Variants in KLHL4 observed in about 807,000 individuals in gnomAD.
The protein encoded by KLHL4 is kelch-like protein 4.
In KLHL4, 17 loss-of-function variants were observed where a neutral mutation model predicts 45.8. The observed-to-expected ratio is 0.37, with a 90% confidence interval of 0.25 to 0.56. The LOEUF (loss-of-function observed/expected upper bound fraction) is 0.56. KLHL4 is among the 20% of genes least tolerant of loss of function. KLHL4 has a pLI of 0.79. For missense variants in KLHL4, 544 were observed against 544.9 expected (o/e 1.00, Z 0.02); for synonymous variants, 224 against 189.9 (o/e 1.18, Z -1.47).
At chrX:87,549,244 A>G (rs1435996598) in intron 1 of KLHL4, among the ~76,000 whole-genome samples, 1 of 111,260 alleles carries the variant, frequency 9.0e-6, no homozygotes, top group Non-Finnish European at 1.9e-5. Flanking sequence ...ATATATATGC[A>G]TCCAAGATGG....
At chrX:87,650,298 A>G (rs777137368) in intron 9 of KLHL4, among the ~76,000 whole-genome samples, 2 of 111,030 alleles carry the variant, frequency 1.8e-5, no homozygotes, top group South Asian at 3.8e-4. Context: ...AGGTTTTGCC[A>G]TGTTGCCCTG....
intron 1 of KLHL4, among the ~76,000 whole-genome samples, chrX:87,610,298 T>A (rs1360688544): frequency 1.8e-5 from 2 of 112,279 alleles, no homozygotes; most frequent in East Asian, 5.6e-4. Flanking sequence ...CCTAAAATAG[T>A]TCTGTTCAGG....
chrX:87,557,220 A>G (rs1042191712), intron 1 of KLHL4, among the ~76,000 whole-genome samples: 1 of 112,097 alleles, frequency 8.9e-6, no homozygotes, highest in African/African-American at 3.2e-5. Flanking sequence ...CTGAAAAGTC[A>G]GGCCTGAGCT....
At chrX:87,540,972 C>T (rs1029876905) in intron 1 of KLHL4, among the ~76,000 whole-genome samples, 2 of 110,967 alleles carry the variant, frequency 1.8e-5, no homozygotes, top group African/African-American at 6.6e-5. Flanking sequence ...TCATTATAAT[C>T]TTAGGGAACC....
At chrX:87,638,890 G>A (rs1923355434) in intron 9 of KLHL4, among the ~76,000 whole-genome samples, 4 of 111,457 alleles carry the variant, frequency 3.6e-5, no homozygotes, top group Admixed American at 1.9e-4. Context: ...CCACTTAAAA[G>A]ATGTAGAATG....
At chrX:87,551,438 A>G (rs1262560219) in intron 1 of KLHL4, among the ~76,000 whole-genome samples, 1 of 111,604 alleles carries the variant, frequency 9.0e-6, no homozygotes, top group Non-Finnish European at 1.9e-5. Flanking sequence ...AGCAATCTAC[A>G]AATTCAACAC....
chrX:87,523,662 AT>A (rs1180970815), intron 1 of KLHL4, among the ~76,000 whole-genome samples: 1 of 111,806 alleles, frequency 8.9e-6, no homozygotes, highest in Non-Finnish European at 1.9e-5. Flanking sequence ...ATATAAATAG[AT>A]GACTGAGTAA....
At chrX:87,581,014 T>C (rs1487450378) in intron 1 of KLHL4, among the ~76,000 whole-genome samples, 1 of 112,024 alleles carries the variant, frequency 8.9e-6, no homozygotes, top group Admixed American at 9.4e-5. Flanking sequence ...GGACAACTCA[T>C]CCATTCCAGC....
chrX:87,668,298 C>T lies in KLHL4; in HGVS notation c.*1764C>T, dbSNP rs1329272295. 3 of 751,843 alleles carry T rather than the reference C, an allele frequency of 4.0e-6. No homozygotes were observed. The highest frequency in any genetic ancestry group is 4.7e-6 in the Non-Finnish European group (3 of 638,193). The allele number at this position is 751,843 out of a possible 1,213,427, so 62.0% of individuals were successfully genotyped here. A position where few individuals can be genotyped will look rare whatever the true frequency, so the allele number is the denominator to read the frequency against. On this transcript the variant is annotated 3_prime_UTR_variant, in exon 11 of 11. Coordinates refer to ENST00000373119, the MANE Select transcript of KLHL4 (RefSeq NM_019117.5). Reference sequence around the variant, plus strand: ...AAAAGATCAAAGGACCTTTTGCAGCCTAGCTTGCCAATCTTCCAGTAACAA... The same window carrying T: ...AAAAGATCAAAGGACCTTTTGCAGCTTAGCTTGCCAATCTTCCAGTAACAA...
rs1371677607 is a variant in KLHL4 at position 87,518,074 on chromosome X, G to A, written c.181G>A (p.Gly61Arg). The change falls in exon 1 of 11, where the codon GGA (glycine) becomes AGA (arginine). Residue 61 changes from glycine to arginine, a missense_variant. Transcript: ENST00000373119. The part of the protein sequence containing the change: ...RLKSHSRDRN[G>R]LKKSNSPVHH... ...GAAGAGCCACTCTCGGGACAGAAAC[G>A]GACTGAAGAAAAGCAACAGTCCTGT... The A allele has an allele frequency of 3.3e-6, 4 of 1,211,550 alleles. No individual in the cohort carries two copies. Among genetic ancestry groups the A allele is most frequent in the Admixed American group, 2.2e-5 (1 of 45,965 alleles).
intron 1 of KLHL4, among the ~76,000 whole-genome samples, chrX:87,550,940 G>A (rs770238371): frequency 2.2e-4 from 24 of 110,647 alleles, no homozygotes; most frequent in Admixed American, 3.9e-4. Context: ...TCTGAGAACC[G>A]GAAAAAGACA....
chrX:87,517,871 C>CT lies in KLHL4; in HGVS notation c.-19dup, dbSNP rs757789015. 1.7e-6 allele frequency: 2 copies of CT among 1,178,166 alleles called. No homozygotes were observed. Among genetic ancestry groups the CT allele is most frequent in the Non-Finnish European group, 2.3e-6 (2 of 878,930 alleles). ...TCCGTTTCCTTTCTGTGAGAGAAGG[C>CT]TTTTGTCTTTCCTCCTGCTACGATG... is the stretch of plus-strand genomic sequence containing the variant. On this transcript the variant is annotated 5_prime_UTR_variant, in exon 1 of 11. Transcript: ENST00000373119.
chrX:87,618,590 T>C (rs766123229), intron 4 of KLHL4, among the ~76,000 whole-genome samples: 14 of 111,617 alleles, frequency 1.3e-4, no homozygotes, highest in South Asian at 3.8e-4. Flanking sequence ...AACCTCCGCC[T>C]CCTGGGTTTA....
At chrX:87,605,577 T>C (rs1318267196) in intron 1 of KLHL4, among the ~76,000 whole-genome samples, 13 of 111,325 alleles carry the variant, frequency 1.2e-4, no homozygotes, top group African/African-American at 4.2e-4. Context: ...TTTTGTTACG[T>C]TGACTTTTTA....
intron 1 of KLHL4, among the ~76,000 whole-genome samples, chrX:87,587,382 T>A (rs1048335105): frequency 4.5e-5 from 5 of 110,638 alleles, no homozygotes; most frequent in Non-Finnish European, 7.6e-5. Context: ...AAAATATTGA[T>A]GCAAAAAATT....
intron 1 of KLHL4, among the ~76,000 whole-genome samples, chrX:87,559,000 C>G (rs756584768): frequency 1.3e-4 from 15 of 111,507 alleles, no homozygotes; most frequent in African/African-American, 4.6e-4. Flanking sequence ...TGTTGTGGGA[C>G]AGTAGTAGGT....
intron 1 of KLHL4, among the ~76,000 whole-genome samples, chrX:87,575,108 A>G (rs992563958): frequency 2.7e-5 from 3 of 112,084 alleles, no homozygotes; most frequent in Non-Finnish European, 5.6e-5. Context: ...TAATATGGCT[A>G]ACAAAATCAA....
intron 1 of KLHL4, among the ~76,000 whole-genome samples, chrX:87,571,612 G>C (rs1449608672): frequency 9.0e-6 from 1 of 110,974 alleles, no homozygotes; most frequent in South Asian, 3.7e-4. Context: ...CAGTAAAAAT[G>C]TTTCTAATTT....
chrX:87,669,241 C>T lies in KLHL4; in HGVS notation c.*2707C>T. 1 of 1,161,173 alleles carries T rather than the reference C, an allele frequency of 8.6e-7. No homozygotes were observed. The highest frequency in any genetic ancestry group is 1.2e-6 in the Non-Finnish European group (1 of 867,978). On this transcript the variant is annotated 3_prime_UTR_variant, in exon 11 of 11. Transcript: ENST00000373119. ...TGATTTTTTTCTATAATCACTATGA[C>T]CGTGTTCACGATTCCCTACTCTGCA... is the stretch of plus-strand genomic sequence containing the variant.
Sources: gnomAD v4.1 joint callset for allele counts (sites outside exome capture counted in the v4.1 genomes callset) on GRCh38, gnomAD v4.1.1 for gene constraint, MANE v1.5 for transcripts, NCBI Gene and HGNC (gene_info 2026-07-23, HGNC 2026-07-21) for gene names.